Variants in ACSS3 observed in about 807,000 individuals in gnomAD.
ACSS3 encodes the protein acyl-CoA synthetase short-chain family member 3, mitochondrial.
Under a neutral mutation model 84.2 loss-of-function variants are expected in ACSS3, and 64 were observed. The observed-to-expected ratio is 0.76, with a 90% CI of 0.62 to 0.94. ACSS3 has a LOEUF of 0.94. Among genes scored for constraint, ACSS3 ranks in the 40% least tolerant of loss-of-function variants. The pLI, the probability that ACSS3 is intolerant of heterozygous loss-of-function variation, is 0.00. For synonymous variants in ACSS3, 317 were observed against 310.1 expected, an observed-to-expected ratio of 1.02 and a Z score of -0.23; for missense variants, 815 against 867.6, an observed-to-expected ratio of 0.94 and a Z score of 0.76.
chr12:81,128,400 A>G (rs1474477498), intron 2 of ACSS3, among the ~76,000 whole-genome samples: 1 of 152,170 alleles, frequency 6.6e-6, no homozygotes, highest in Non-Finnish European at 1.5e-5. Context: ...TATCTAAATA[A>G]ATACATTTTT....
chr12:81,123,774 G>A (rs1332104343), intron 2 of ACSS3, among the ~76,000 whole-genome samples: 2 of 152,188 alleles, frequency 1.3e-5, no homozygotes, highest in East Asian at 1.9e-4. Context: ...AGCTGCATTC[G>A]TGTTGCTGCA....
intron 2 of ACSS3, among the ~76,000 whole-genome samples, chr12:81,123,811 G>T (rs1297994762): frequency 6.6e-6 from 1 of 151,976 alleles, no homozygotes; most frequent in Non-Finnish European, 1.5e-5. Flanking sequence ...TCTTTTTTGT[G>T]GCTGCATAGT....
At position 81,260,441 on chromosome 12, in the gene ACSS3, G is replaced by A. The variant is rs1177269852; in HGVS notation, c.*5519G>A. The A allele has an allele frequency of 1.3e-5, 2 of 152,156 alleles. No individual in the cohort carries two copies. Among genetic ancestry groups the A allele is most frequent in the African/African-American group, 2.4e-5 (1 of 41,440 alleles). The allele number at this position is 152,156 out of a possible 1,614,324, so 9.4% of individuals were successfully genotyped here. A position where few individuals can be genotyped will look rare whatever the true frequency, so the allele number is the denominator to read the frequency against. The stretch of plus-strand genomic sequence containing the variant: ...ATAGTCATTTGTAAATTAGTGAAGT[G>A]TTCATTTCCTGAAGAAATTATAATG... On this transcript the variant is annotated 3_prime_UTR_variant, in exon 16 of 16. Transcript: ENST00000548058.
At chr12:81,240,975 A>C (rs1277304350) in intron 13 of ACSS3, among the ~76,000 whole-genome samples, 1 of 133,364 alleles carries the variant, frequency 7.5e-6, no homozygotes, top group African/African-American at 2.7e-5. Flanking sequence ...TCCCAATGCT[A>C]TCCCTCCCCC....
intron 1 of ACSS3, among the ~76,000 whole-genome samples, chr12:81,100,947 C>G (rs1882462420): frequency 1.3e-5 from 2 of 152,300 alleles, no homozygotes; most frequent in South Asian, 4.1e-4. Flanking sequence ...TGCAATCTTA[C>G]AAATGCCTAG....
At position 81,084,724 on chromosome 12, in the gene ACSS3, G is replaced by A. The variant is rs139107044; in HGVS notation, c.311+6293G>A. Among the ~76,000 whole-genome samples the A allele has an allele frequency of 6.3e-3, 952 of 152,182 alleles. 10 individuals are homozygous for A. The highest frequency in any genetic ancestry group is 0.022 in the African/African-American group (916 of 41,494). ...ATTCAAAGAAAGAGGAAAAGAAAGA[G>A]CAAGATATTCTAGTGTCATGCATTG... is the stretch of plus-strand genomic sequence containing the variant. On this transcript the variant is annotated intron_variant, in intron 1 of 15. Transcript: ENST00000548058.
At chr12:81,218,095 A>T (rs893231719) in intron 10 of ACSS3, among the ~76,000 whole-genome samples, 4 of 152,162 alleles carry the variant, frequency 2.6e-5, no homozygotes, top group Admixed American at 1.3e-4. Flanking sequence ...ACATTTTTAT[A>T]TGCTTTCCAG....
rs1333086355 is a variant in ACSS3 at position 81,254,930 on chromosome 12, G to A, written c.*8G>A. The A allele has an allele frequency of 6.3e-7, 1 of 1,575,552 alleles. No homozygotes were observed. Among genetic ancestry groups the A allele is most frequent in the Admixed American group, 1.8e-5 (1 of 55,144 alleles). On this transcript the variant is annotated 3_prime_UTR_variant, in exon 16 of 16. Transcript: ENST00000548058. ...ATGCTGAAGCAAGCATAATGAGTTTGTCTTATTCCTATTTTGAGTTGATTT... is the reference window on the plus strand; with the variant it reads ...ATGCTGAAGCAAGCATAATGAGTTTATCTTATTCCTATTTTGAGTTGATTT...
chr12:81,097,116 A>G (rs1302120288), intron 1 of ACSS3, among the ~76,000 whole-genome samples: 2 of 152,202 alleles, frequency 1.3e-5, no homozygotes, highest in Non-Finnish European at 2.9e-5. Flanking sequence ...ATTTAGTTAG[A>G]CACATGTGGC....
At chr12:81,140,932 A>T in intron 4 of ACSS3, among the ~76,000 whole-genome samples, 1 of 152,142 alleles carries the variant, frequency 6.6e-6, no homozygotes. Context: ...TTTCTTATTT[A>T]ATTCTAACAA....
intron 3 of ACSS3, 128 bp downstream of exon 3, chr12:81,135,132 T>C (rs1407884218): frequency 1.3e-6 from 1 of 761,184 alleles, no homozygotes; most frequent in East Asian, 3.3e-5. Context: ...GGTTGATAAA[T>C]ACTTTTCCTA....
At chr12:81,248,309 A>T (rs2034047406) in intron 13 of ACSS3, among the ~76,000 whole-genome samples, 1 of 152,076 alleles carries the variant, frequency 6.6e-6, no homozygotes, top group Non-Finnish European at 1.5e-5. Flanking sequence ...AACCTAAGCG[A>T]TCATCAACAG....
At chr12:81,219,927 T>G in intron 10 of ACSS3, 86 bp from the exon 11 acceptor site, 1 of 874,622 alleles carries the variant, frequency 1.1e-6, no homozygotes, top group African/African-American at 1.8e-5. Flanking sequence ...AGCTAGAGCT[T>G]TTTGGGTTGA....
In ACSS3 at chr12:81,188,250, A is replaced by G. The variant is rs534439757; in HGVS notation, c.1251-11091A>G. On this transcript the variant is annotated intron_variant, in intron 8 of 15. Coordinates refer to ENST00000548058, the MANE Select transcript of ACSS3 (RefSeq NM_024560.4). ...GCCTTAGGAATATGAGAATTTTCAT[A>G]TATTATATCAAAATAATATTTATGG... Among the ~76,000 whole-genome samples the G allele has an allele frequency of 2.6e-5, 4 of 152,156 alleles. No individual in the cohort carries two copies. The South Asian group carries it at 8.3e-4, about 32-fold the overall frequency.
At chr12:81,239,062 C>G (rs2033711607) in intron 13 of ACSS3, among the ~76,000 whole-genome samples, 1 of 151,714 alleles carries the variant, frequency 6.6e-6, no homozygotes, top group South Asian at 2.1e-4. Flanking sequence ...TTATAATTTT[C>G]ATTTAGTTAA....
At chr12:81,127,366 T>C (rs1248684141) in intron 2 of ACSS3, among the ~76,000 whole-genome samples, 1 of 152,148 alleles carries the variant, frequency 6.6e-6, no homozygotes, top group African/African-American at 2.4e-5. Flanking sequence ...TTCACAGATA[T>C]TTACCTGAAT....
chr12:81,093,215 CA>C (rs1480898512), intron 1 of ACSS3, among the ~76,000 whole-genome samples: 10 of 151,978 alleles, frequency 6.6e-5, no homozygotes, highest in Non-Finnish European at 1.5e-4. Context: ...TTTGTGAGGC[CA>C]AGGTAAGCGG....
chr12:81,242,434 G>A (rs1438133489), intron 13 of ACSS3, among the ~76,000 whole-genome samples: 19 of 150,796 alleles, frequency 1.3e-4, no homozygotes, highest in African/African-American at 4.4e-4. Flanking sequence ...GAGGTACAAG[G>A]AGGAACTGGT....
intron 1 of ACSS3, among the ~76,000 whole-genome samples, chr12:81,086,305 G>T (rs1218064981): frequency 6.6e-6 from 1 of 152,020 alleles, no homozygotes; most frequent in African/African-American, 2.4e-5. Flanking sequence ...TTTTAAGAAG[G>T]TATCTGCTTG....
Sources: allele counts gnomAD v4.1 joint callset (sites outside exome capture counted in the v4.1 genomes callset), GRCh38; gene constraint gnomAD v4.1.1; transcripts MANE v1.5; gene names NCBI Gene and HGNC (gene_info 2026-07-23, HGNC 2026-07-21).